NFKBIE: variants seen among roughly 807,000 people sequenced by gnomAD.
The protein encoded by NFKBIE is NF-kappa-B inhibitor epsilon.
Under a neutral mutation model 31.6 loss-of-function variants are expected in NFKBIE, and 11 were observed. The ratio of observed to expected loss-of-function variants is 0.35; its 90% CI spans 0.22 to 0.58. NFKBIE has a LOEUF of 0.58. Ranked by LOEUF, NFKBIE falls within the 20% of genes least tolerant of loss-of-function variation. The pLI, the probability that NFKBIE is intolerant of heterozygous loss-of-function variation, is 0.83. For missense variants in NFKBIE, 354 were observed against 465.7 expected, an observed-to-expected ratio of 0.76 and a Z score of 2.21; for synonymous variants, 208 against 210.1, an observed-to-expected ratio of 0.99 and a Z score of 0.09.
intron 1 of NFKBIE, among the ~76,000 whole-genome samples, chr6:44,264,612 T>C (rs1782046240): frequency 6.6e-6 from 1 of 152,180 alleles, no homozygotes; most frequent in Non-Finnish European, 1.5e-5. Context: ...AGACAGAGCA[T>C]TCTGAGGTCA....
rs1267325871 is a variant in NFKBIE, at chr6:44,265,493, G to A, written c.-147C>T. On this transcript the variant is annotated 5_prime_UTR_variant, in exon 1 of 6. Transcript: ENST00000619360. ...CTTCCCGGGCTGTGGGGCTCCGAGG[G>A]GCCGGCGCGCAGCGAGGACAAGGTT... The A allele has an allele frequency of 3.9e-6, 6 of 1,536,006 alleles. No individual in the cohort carries two copies. In the Admixed American group the frequency reaches 1.2e-4, roughly 31 times the overall value.
At chr6:44,259,412 C>G in intron 5 of NFKBIE, 128 bp from the exon 6 acceptor site, 1 of 695,960 alleles carries the variant, frequency 1.4e-6, no homozygotes, top group Non-Finnish European at 2.6e-6. Context: ...CATCAGGGAA[C>G]AAATCTTCAC....
In NFKBIE at chr6:44,258,458, T is replaced by C. The variant is rs2282151; in HGVS notation, c.*761A>G. ...GGCGTGTGTCCTCTCATTCTTCCTC[T>C]TGTCCCTCCATCCCTCATCATTTCC... On this transcript the variant is annotated 3_prime_UTR_variant, in exon 6 of 6. Transcript: ENST00000619360. The C allele has an allele frequency of 0.18, 27,474 of 152,368 alleles. 2,989 individuals are homozygous for C. Among genetic ancestry groups the C allele is most frequent in the East Asian group, 0.38 (1,941 of 5,164 alleles). 9.4% of individuals were successfully genotyped at this position (152,368 alleles called of 1,614,324 possible).
Position 44,263,342 on chromosome 6 carries a change from G to C in NFKBIE, c.366-680C>G, listed in dbSNP as rs1781991420. On this transcript the variant is annotated intron_variant, in intron 1 of 5. Coordinates refer to ENST00000619360, the MANE Select transcript of NFKBIE (RefSeq NM_004556.3). This position sits in a 1 kb window ranked among gnomAD's most constrained non-coding sequence, Gnocchi z 5.0. ...AGGGGGCCAAGAACCTTAATCTAGG[G>C]GTAATGGGGGCAGTTGGGAGGGGAA... 6.6e-6 allele frequency among the ~76,000 whole-genome samples: 1 copy of C among 152,118 alleles called. No individual in the cohort carries two copies. The highest frequency in any genetic ancestry group is 6.5e-5 in the Admixed American group (1 of 15,282).
In NFKBIE at chr6:44,258,972, A is replaced by G. The variant is rs1051652318; in HGVS notation, c.*247T>C. The G allele has an allele frequency of 1.1e-4, 42 of 374,436 alleles. No homozygotes were observed. Among genetic ancestry groups the G allele is most frequent in the Middle Eastern group, 8.3e-4 (1 of 1,204 alleles). The allele number at this position is 374,436 out of a possible 1,614,324, so 23.2% of individuals were successfully genotyped here. On this transcript the variant is annotated 3_prime_UTR_variant, in exon 6 of 6. Transcript: ENST00000619360. The stretch of plus-strand genomic sequence containing the variant: ...GAGGCAAACAGGCTTCACCCAGGAT[A>G]CCTGGGGCTTTGGGGGTCTTCCAAG...
chr6:44,262,564 T>C lies in NFKBIE; in HGVS notation c.464A>G (p.Tyr155Cys). The C allele has an allele frequency of 6.2e-7, 1 of 1,613,434 alleles. No homozygotes were observed. ...TAACATTCTCTCGCCACCAACCTGG[T>C]AAAGGTTATTTTGAATGTCCAGGAC... is the stretch of plus-strand genomic sequence containing the variant. ...QEVLDIQNNL[Y>C]QTALHLAVHL... Residue 155 changes from tyrosine (Y) to cysteine (C), a missense_variant, in exon 2 of 6, where the codon TAC becomes TGC. Coordinates refer to ENST00000619360, the MANE Select transcript of NFKBIE (RefSeq NM_004556.3).
At chr6:44,264,860 A>AGG (rs1213225554) in intron 1 of NFKBIE, 122 bp downstream of exon 1, 1 of 1,080,984 alleles carries the variant, frequency 9.3e-7, no homozygotes, top group Non-Finnish European at 1.3e-6. Flanking sequence ...TTAAGTCTGG[A>AGG]GTTTGGAAGA....
Position 44,261,872 on chromosome 6 carries a change from T to G in NFKBIE, c.469-24A>C. On this transcript the variant is annotated intron_variant, in intron 2 of 5. Transcript: ENST00000619360. This position sits in a 1 kb window ranked among gnomAD's most constrained non-coding sequence, Gnocchi z 4.3. Reference sequence around the variant, plus strand: ...GTCTGGAGGCACAAATAGAGGGTCATGGGGCCACTGCAGCATGCTCCCACC... The same window carrying G: ...GTCTGGAGGCACAAATAGAGGGTCAGGGGGCCACTGCAGCATGCTCCCACC... 4 of 1,585,886 alleles carry G rather than the reference T, an allele frequency of 2.5e-6. No individual in the cohort carries two copies. The highest frequency in any genetic ancestry group is 3.4e-6 in the Non-Finnish European group (4 of 1,166,658).
rs775026825 is a variant in NFKBIE, at chr6:44,259,233, G to A, written c.1072C>T (p.Leu358=). The A allele has an allele frequency of 2.5e-6, 4 of 1,613,482 alleles. No homozygotes were observed. Among genetic ancestry groups the A allele is most frequent in the South Asian group, 1.1e-5 (1 of 91,074 alleles). The change falls in exon 6 of 6, where the codon CTG becomes TTG. Residue 358 remains leucine (L), a synonymous_variant. Coordinates refer to ENST00000619360, the MANE Select transcript of NFKBIE (RefSeq NM_004556.3). The stretch of plus-strand genomic sequence containing the variant: ...CCTGCCTGGCTTCAGTCGGTACACA[G>A]CAGCAGTTTCCCTGAGATCTTCAGG... ...DDLKISGKLL[L]CTD
At position 44,260,860 on chromosome 6, in the gene NFKBIE, G is replaced by GAC. The variant is rs71547856; in HGVS notation, c.692-323_692-322dup. Among the ~76,000 whole-genome samples the GAC allele has an allele frequency of 1.0e-3, 139 of 135,522 alleles. 1 individual carries two copies. Among genetic ancestry groups the GAC allele is most frequent in the South Asian group, 8.9e-3 (37 of 4,174 alleles). The allele number at this position is 135,522 out of a possible 152,430, so 88.9% of individuals were successfully genotyped here. ...ACACACACACACACACACACATACA[G>GAC]ACACACACACACACACACACACACA... On this transcript the variant is annotated intron_variant, in intron 3 of 5. Coordinates refer to ENST00000619360, the MANE Select transcript of NFKBIE (RefSeq NM_004556.3). The surrounding 1 kb of genome is among the most constrained non-coding windows in gnomAD (Gnocchi z 5.5).
rs201276683 is a variant in NFKBIE at position 44,259,214 on chromosome 6, T to G, written c.*5A>C. On this transcript the variant is annotated 3_prime_UTR_variant, in exon 6 of 6. Coordinates refer to ENST00000619360, the MANE Select transcript of NFKBIE (RefSeq NM_004556.3). ...AGCCCTGAGGATCCCAGACCCTGCC[T>G]GGCTTCAGTCGGTACACAGCAGCAG... is the stretch of plus-strand genomic sequence containing the variant. 5.0e-6 allele frequency: 8 copies of G among 1,613,312 alleles called. No homozygotes were observed. In the African/African-American group the frequency reaches 1.1e-4, roughly 22 times the overall value.
Position 44,265,460 on chromosome 6 carries a change from G to A in NFKBIE, c.-114C>T, listed in dbSNP as rs539654790. On this transcript the variant is annotated 5_prime_UTR_variant, in exon 1 of 6. Transcript: ENST00000619360. ...TGGCAGAGCGGGCGCCCGGCCCGCG[G>A]CGGCCTCCTTCCCGGGCTGTGGGGC... The A allele has an allele frequency of 2.1e-5, 31 of 1,508,170 alleles. No homozygotes were observed. In the African/African-American group the frequency reaches 3.9e-4, roughly 19 times the overall value. 93.4% of individuals were successfully genotyped at this position (1,508,170 alleles called of 1,614,324 possible).
At chr6:44,264,805 G>C (rs140203083) in intron 1 of NFKBIE, among the ~76,000 whole-genome samples, 177 bp downstream of exon 1, 1 of 152,364 alleles carries the variant, frequency 6.6e-6, no homozygotes, top group Non-Finnish European at 1.5e-5. Context: ...TGGGAGGACA[G>C]AGATGATTCC....
In NFKBIE at chr6:44,260,844, C is replaced by CAT. The variant is rs2153331673; in HGVS notation, c.692-306_692-305insAT. ...AAACTACAACACACACACACACACA[C>CAT]ACACACACACATACAGACACACACA... is the stretch of plus-strand genomic sequence containing the variant. On this transcript the variant is annotated intron_variant, in intron 3 of 5. Transcript: ENST00000619360. This position sits in a 1 kb window ranked among gnomAD's most constrained non-coding sequence, Gnocchi z 5.5. Among the ~76,000 whole-genome samples the CAT allele has an allele frequency of 1.2e-5, 1 of 86,542 alleles. No homozygotes were observed. Among genetic ancestry groups the CAT allele is most frequent in the East Asian group, 3.4e-4 (1 of 2,934 alleles). The allele number at this position is 86,542 out of a possible 152,430, so 56.8% of individuals were successfully genotyped here.
intron 1 of NFKBIE, among the ~76,000 whole-genome samples, chr6:44,264,486 C>T (rs1279987001): frequency 2.0e-5 from 3 of 152,294 alleles, no homozygotes; most frequent in African/African-American, 7.2e-5. Context: ...AGTGCCCCAG[C>T]CTGGCTCACC....
rs1561913460 is a variant in NFKBIE, at chr6:44,260,568, G to A, written c.692-29C>T. On this transcript the variant is annotated intron_variant, in intron 3 of 5. Transcript: ENST00000619360. This position sits in a 1 kb window ranked among gnomAD's most constrained non-coding sequence, Gnocchi z 5.5. ...GGATGGGGTGAGAGTGAGGGTGAGG[G>A]CTGCTGATCTGCATCCACCAACTCC... 1.9e-6 allele frequency: 3 copies of A among 1,595,794 alleles called. No individual in the cohort carries two copies. Among genetic ancestry groups the A allele is most frequent in the African/African-American group, 1.3e-5 (1 of 74,606 alleles).
intron 1 of NFKBIE, 81 bp downstream of exon 1, chr6:44,264,901 G>T: frequency 7.0e-7 from 1 of 1,438,670 alleles, no homozygotes; most frequent in Non-Finnish European, 9.4e-7. Flanking sequence ...TCTTCACGGG[G>T]GAGTGGGGGT....
At chr6:44,262,951 C>T (rs1583009498) in intron 1 of NFKBIE, among the ~76,000 whole-genome samples, 1 of 152,218 alleles carries the variant, frequency 6.6e-6, no homozygotes, top group East Asian at 1.9e-4. Context: ...ACACCCACTC[C>T]TCTTTGCCCT....
At position 44,260,432 on chromosome 6, in the gene NFKBIE, G is replaced by A; in HGVS notation, c.780+19C>T. 6.2e-7 allele frequency: 1 copy of A among 1,614,088 alleles called. No homozygotes were observed. Among genetic ancestry groups the A allele is most frequent in the Non-Finnish European group, 8.5e-7 (1 of 1,179,956 alleles). ...GGGGGCAGGCCCTGGGCCGGGCAGT[G>A]CTTTGCTGGCTGTCTCACCTGCACA... On this transcript the variant is annotated intron_variant, in intron 4 of 5. Coordinates refer to ENST00000619360, the MANE Select transcript of NFKBIE (RefSeq NM_004556.3). The surrounding 1 kb of genome is among the most constrained non-coding windows in gnomAD (Gnocchi z 5.5).
Sources: allele counts gnomAD v4.1 joint callset (sites outside exome capture counted in the v4.1 genomes callset), GRCh38; gene constraint gnomAD v4.1.1; non-coding constraint Gnocchi (gnomAD v3.1); transcripts MANE v1.5; gene names NCBI Gene and HGNC (gene_info 2026-07-23, HGNC 2026-07-21).